Variants in SLC39A9 observed in about 807,000 individuals in gnomAD.
SLC39A9 encodes the protein solute carrier family 39 member 9.
Under a neutral mutation model 28.4 loss-of-function variants are expected in SLC39A9, and 14 were observed. The observed-to-expected ratio is 0.49, with a 90% CI of 0.33 to 0.77. SLC39A9 has a LOEUF of 0.77. Among genes scored for constraint, SLC39A9 ranks in the 30% least tolerant of loss-of-function variants. The pLI is 0.02. For missense variants in SLC39A9, 283 were observed against 381.1 expected, an observed-to-expected ratio of 0.74 and a Z score of 2.14; for synonymous variants, 119 against 149.6, an observed-to-expected ratio of 0.80 and a Z score of 1.49.
Position 69,461,713 on chromosome 14 carries a change from A to T in SLC39A9, c.*3120A>T. ...TTTTTCAAGGATTAGAACTAAGAGG[A>T]CACACCAGCATCGGAGTGTATTAAG... On this transcript the variant is annotated 3_prime_UTR_variant, in exon 7 of 7. Coordinates refer to ENST00000336643, the MANE Select transcript of SLC39A9 (RefSeq NM_018375.5). 6.5e-7 allele frequency: 1 copy of T among 1,535,944 alleles called. No individual in the cohort carries two copies. Among genetic ancestry groups the T allele is most frequent in the Non-Finnish European group, 8.7e-7 (1 of 1,146,862 alleles).
At chr14:69,441,214 G>A (rs535085506) in intron 2 of SLC39A9, among the ~76,000 whole-genome samples, 3 of 152,262 alleles carry the variant, frequency 2.0e-5, no homozygotes, top group Non-Finnish European at 2.9e-5. Flanking sequence ...CCGGGAGGTC[G>A]AGGGTGCAGT....
chr14:69,419,633 T>C (rs1883772992), intron 1 of SLC39A9, among the ~76,000 whole-genome samples: 1 of 152,232 alleles, frequency 6.6e-6, no homozygotes, highest in African/African-American at 2.4e-5. Flanking sequence ...TGTGTGGAAG[T>C]CTCAGTCTCT....
chr14:69,411,665 C>T (rs1292690446), intron 1 of SLC39A9, among the ~76,000 whole-genome samples: 1 of 152,078 alleles, frequency 6.6e-6, no homozygotes, highest in Non-Finnish European at 1.5e-5. Context: ...TTAATATAAA[C>T]ACAACTTGAG....
At chr14:69,408,012 TTTTC>T (rs1002669829) in intron 1 of SLC39A9, among the ~76,000 whole-genome samples, 4 of 151,906 alleles carry the variant, frequency 2.6e-5, no homozygotes, top group East Asian at 1.9e-4. Context: ...GGTATTCCTT[TTTTC>T]TTTCTTTCTT....
intron 1 of SLC39A9, among the ~76,000 whole-genome samples, chr14:69,413,256 T>A (rs1883375861): frequency 6.6e-6 from 1 of 151,836 alleles, no homozygotes; most frequent in African/African-American, 2.4e-5. Context: ...CTCGGGAGGC[T>A]GAGGCAGGAG....
intron 2 of SLC39A9, among the ~76,000 whole-genome samples, chr14:69,439,351 G>A (rs1310016078): frequency 6.6e-6 from 1 of 151,846 alleles, no homozygotes; most frequent in Non-Finnish European, 1.5e-5. Context: ...AATAATAATA[G>A]CATCAGAAAA....
chr14:69,399,224 G>A lies in SLC39A9; in HGVS notation c.-146G>A, dbSNP rs968813258. On this transcript the variant is annotated 5_prime_UTR_variant, in exon 1 of 7. In the 5' UTR this introduces an upstream ATG that the reference lacks. Transcript: ENST00000336643. ...GGTACGTTCAAGAGGAAGGTGCCTC[G>A]TGAACACATCTGCTGGTGGGAAGGC... The A allele has an allele frequency of 2.9e-6, 2 of 689,278 alleles. No homozygotes were observed. Among genetic ancestry groups the A allele is most frequent in the Non-Finnish European group, 2.5e-6 (1 of 393,256 alleles). The allele number at this position is 689,278 out of a possible 1,614,324, so 42.7% of individuals were successfully genotyped here. A position where few individuals can be genotyped will look rare whatever the true frequency, so the allele number is the denominator to read the frequency against.
chr14:69,444,916 T>A (rs1169757837), intron 3 of SLC39A9, among the ~76,000 whole-genome samples: 1 of 152,052 alleles, frequency 6.6e-6, no homozygotes, highest in Non-Finnish European at 1.5e-5. Flanking sequence ...TGCAGTGAGC[T>A]ATGATCGCAT....
At chr14:69,424,650 C>G (rs1483034213) in intron 2 of SLC39A9, among the ~76,000 whole-genome samples, 1 of 151,976 alleles carries the variant, frequency 6.6e-6, no homozygotes, top group Non-Finnish European at 1.5e-5. Flanking sequence ...TTTCCTGACC[C>G]TAATAGCAAC....
In SLC39A9 at chr14:69,453,245, A is replaced by G; in HGVS notation, c.408A>G (p.Pro136=). Residue 136 remains proline (P), a synonymous_variant, in exon 4 of 7, where the codon CCA becomes CCG. Coordinates refer to ENST00000336643, the MANE Select transcript of SLC39A9 (RefSeq NM_018375.5). ...TCTTTCTCATTTTCACTTTAGATCC[A>G]GAAGCAGCAAGGTCTAGCAATTCCA... is the stretch of plus-strand genomic sequence containing the variant. ...GNSHVHSTDD[P]EAARSSNSKI... is the part of the protein sequence containing the mutation. 1 of 1,613,720 alleles carries G rather than the reference A, an allele frequency of 6.2e-7. No individual in the cohort carries two copies. The highest frequency in any genetic ancestry group is 1.1e-5 in the South Asian group (1 of 91,070).
At chr14:69,414,260 C>G (rs1883449646) in intron 1 of SLC39A9, among the ~76,000 whole-genome samples, 1 of 152,064 alleles carries the variant, frequency 6.6e-6, no homozygotes, top group South Asian at 2.1e-4. Context: ...GCTGGCCAGG[C>G]TGGTCTCGAA....
chr14:69,427,851 A>G (rs1267145495), intron 2 of SLC39A9, among the ~76,000 whole-genome samples: 1 of 152,242 alleles, frequency 6.6e-6, no homozygotes, highest in Admixed American at 6.5e-5. Context: ...TAGAGGCACT[A>G]AGAAGGTTAA....
chr14:69,460,879 A>T lies in SLC39A9; in HGVS notation c.*2286A>T. On this transcript the variant is annotated 3_prime_UTR_variant, in exon 7 of 7. Transcript: ENST00000336643. ...CTGGTCAGCAGACAGAAATAGCCAT[A>T]CTAATCTCATAGGGCTCAAATGCAT... 1.0e-6 allele frequency: 1 copy of T among 985,498 alleles called. No individual in the cohort carries two copies. Among genetic ancestry groups the T allele is most frequent in the Non-Finnish European group, 1.2e-6 (1 of 829,966 alleles). 61.0% of individuals were successfully genotyped at this position (985,498 alleles called of 1,614,324 possible). A position where few individuals can be genotyped will look rare whatever the true frequency, so the allele number is the denominator to read the frequency against.
chr14:69,421,648 G>A (rs981684313), intron 1 of SLC39A9, among the ~76,000 whole-genome samples: 1 of 152,198 alleles, frequency 6.6e-6, no homozygotes, highest in Non-Finnish European at 1.5e-5. Flanking sequence ...TTGAGCTGCA[G>A]TGGGCTCTAC....
At chr14:69,419,792 CTG>C (rs1883781334) in intron 1 of SLC39A9, among the ~76,000 whole-genome samples, 9 of 152,138 alleles carry the variant, frequency 5.9e-5, no homozygotes, top group Admixed American at 5.9e-4. Flanking sequence ...GGTTTAAAGT[CTG>C]TTTTATCAGA....
chr14:69,416,331 A>G (rs1883579565), intron 1 of SLC39A9, among the ~76,000 whole-genome samples: 1 of 152,184 alleles, frequency 6.6e-6, no homozygotes, highest in African/African-American at 2.4e-5. Flanking sequence ...ATAGTATTCC[A>G]TGGTGTATAT....
chr14:69,438,288 T>C (rs1189592208), intron 2 of SLC39A9, among the ~76,000 whole-genome samples: 1 of 152,228 alleles, frequency 6.6e-6, no homozygotes, highest in Admixed American at 6.5e-5. Context: ...CCCAAAGTGC[T>C]GGGATTACAG....
intron 1 of SLC39A9, among the ~76,000 whole-genome samples, chr14:69,418,374 G>C (rs1883688024): frequency 1.3e-5 from 2 of 151,976 alleles, no homozygotes; most frequent in Non-Finnish European, 1.5e-5. Context: ...TGCATCCTCA[G>C]TATTTTACTG....
intron 1 of SLC39A9, among the ~76,000 whole-genome samples, 165 bp from the exon 2 acceptor site, chr14:69,423,929 T>G (rs890847610): frequency 2.0e-5 from 3 of 152,088 alleles, no homozygotes; most frequent in African/African-American, 7.2e-5. Context: ...ATCTCTTTGT[T>G]TTACTTGGCA....
Sources: gnomAD v4.1 joint callset for allele counts (sites outside exome capture counted in the v4.1 genomes callset) on GRCh38, gnomAD v4.1.1 for gene constraint, MANE v1.5 for transcripts, NCBI Gene and HGNC (gene_info 2026-07-23, HGNC 2026-07-21) for gene names.